Variants in ANKRD44 observed in about 807,000 individuals in gnomAD.
The protein encoded by ANKRD44 is ankyrin repeat domain 44, also known as serine/threonine-protein phosphatase 6 regulatory ankyrin repeat subunit B.
A neutral mutation model predicts 116.0 loss-of-function variants in ANKRD44; 35 were observed. That is an observed-to-expected ratio of 0.30 (90% CI 0.23 to 0.40). The LOEUF (loss-of-function observed/expected upper bound fraction) is 0.40. ANKRD44 is among the 10% of genes least tolerant of loss of function. The pLI, the probability that ANKRD44 is intolerant of heterozygous loss-of-function variation, is 1.00. For synonymous variants in ANKRD44, 435 were observed against 461.8 expected (o/e 0.94, Z 0.74); for missense variants, 1,014 against 1,242.6 (o/e 0.82, Z 2.77).
intron 16 of ANKRD44, among the ~76,000 whole-genome samples, chr2:197,067,034 T>C (rs2077449045): frequency 6.6e-6 from 1 of 152,072 alleles, no homozygotes; most frequent in African/African-American, 2.4e-5. Context: ...CTTCAAACTA[T>C]ACTACAAGGC....
rs2078838361 is a variant in ANKRD44, at chr2:197,120,935, TTTTTTTG to T, written c.906+390_906+396del. On this transcript the variant is annotated intron_variant, in intron 8 of 27. Transcript: ENST00000282272. ...CTGAAGAAAAATAACACAACTTTTT[TTTTTTTG>T]TTTTTGAGACGGAGTCTTGCTCTGT... Among the ~76,000 whole-genome samples, 8 of 147,936 alleles carry T rather than the reference TTTTTTTG, an allele frequency of 5.4e-5. No homozygotes were observed. In the South Asian group the frequency reaches 1.7e-3, roughly 32 times the overall value.
chr2:197,212,052 TCACACA>T lies in ANKRD44; in HGVS notation c.28-24952_28-24947del, dbSNP rs375445587. ...CTCTCTCTCTCAGTCTCTCTCTCTC[TCACACA>T]CACACACACACACACACCCCACAGC... On this transcript the variant is annotated intron_variant, in intron 1 of 27. Coordinates refer to ENST00000282272, the MANE Select transcript of ANKRD44 (RefSeq NM_001195144.2). The surrounding 1 kb of genome is among the most constrained non-coding windows in gnomAD (Gnocchi z 4.8). Among the ~76,000 whole-genome samples the T allele has an allele frequency of 6.8e-6, 1 of 147,900 alleles. No individual in the cohort carries two copies. The highest frequency in any genetic ancestry group is 2.5e-5 in the African/African-American group (1 of 40,194).
chr2:197,276,157 C>T (rs1284444438), intron 1 of ANKRD44, among the ~76,000 whole-genome samples: 1 of 151,790 alleles, frequency 6.6e-6, no homozygotes, highest in African/African-American at 2.4e-5. Flanking sequence ...CACCTGTAAT[C>T]CCAGCTACTT....
At chr2:197,173,149 TACAGCCCCA>T (rs1439038735) in intron 2 of ANKRD44, among the ~76,000 whole-genome samples, 1 of 152,190 alleles carries the variant, frequency 6.6e-6, no homozygotes, top group Admixed American at 6.5e-5. Context: ...ATATTCATAG[TACAGCCCCA>T]ACAATTTCTA....
intron 26 of ANKRD44, among the ~76,000 whole-genome samples, chr2:196,994,116 T>A (rs1400865582): frequency 6.6e-6 from 1 of 152,242 alleles, no homozygotes; most frequent in Non-Finnish European, 1.5e-5. Flanking sequence ...ACAGATGTTT[T>A]ACTGAATTTA....
At chr2:197,035,702 A>G (rs2076794438) in intron 16 of ANKRD44, among the ~76,000 whole-genome samples, 1 of 151,880 alleles carries the variant, frequency 6.6e-6, no homozygotes, top group Non-Finnish European at 1.5e-5. Context: ...ATGCTGAAGA[A>G]TGAAAAGCTA....
At chr2:197,295,238 T>A (rs2083683080) in intron 1 of ANKRD44, among the ~76,000 whole-genome samples, 2 of 152,176 alleles carry the variant, frequency 1.3e-5, no homozygotes, top group African/African-American at 4.8e-5. Flanking sequence ...ACTCGATTTC[T>A]GAAGAGGATG....
intron 9 of ANKRD44, among the ~76,000 whole-genome samples, chr2:197,105,565 A>G (rs1404598255): frequency 6.6e-6 from 1 of 152,262 alleles, no homozygotes. Flanking sequence ...CTGAGGAGAC[A>G]CATTGGTGGA....
intron 2 of ANKRD44, among the ~76,000 whole-genome samples, chr2:197,149,905 C>T (rs765604765): frequency 3.3e-5 from 5 of 152,114 alleles, no homozygotes; most frequent in South Asian, 2.1e-4. Context: ...AGAAGGAGGG[C>T]GAAGGTTCTG....
intron 2 of ANKRD44, among the ~76,000 whole-genome samples, chr2:197,174,050 TAAAC>T (rs753206568): frequency 5.9e-5 from 9 of 152,022 alleles, no homozygotes; most frequent in South Asian, 2.1e-4. Flanking sequence ...AATAAATAAA[TAAAC>T]AAACAAACAA....
chr2:197,274,159 C>A (rs1247205599), intron 1 of ANKRD44, among the ~76,000 whole-genome samples: 1 of 151,376 alleles, frequency 6.6e-6, no homozygotes, highest in East Asian at 1.9e-4. Flanking sequence ...ACTAAGGGGA[C>A]CTGGCACTTA....
At chr2:197,288,382 A>T (rs1446895502) in intron 1 of ANKRD44, among the ~76,000 whole-genome samples, 2 of 152,198 alleles carry the variant, frequency 1.3e-5, no homozygotes, top group Non-Finnish European at 2.9e-5. Context: ...TTGGGAATGT[A>T]TACAACCTCC....
intron 1 of ANKRD44, among the ~76,000 whole-genome samples, chr2:197,282,310 C>CT (rs75969688): frequency 4.2e-4 from 62 of 146,642 alleles, no homozygotes; most frequent in Middle Eastern, 3.4e-3. Flanking sequence ...ATTATGTTTT[C>CT]TTTTTTTTTT....
In ANKRD44 at chr2:197,121,315, G is replaced by C. The variant is rs754937986; in HGVS notation, c.906+17C>G. The stretch of plus-strand genomic sequence containing the variant: ...TCAATGCAAAGGCATTCAACACAGA[G>C]ACTAAGAGTGTCATACCTGAATGTT... On this transcript the variant is annotated intron_variant, in intron 8 of 27. Transcript: ENST00000282272. 3 of 1,609,012 alleles carry C rather than the reference G, an allele frequency of 1.9e-6. No homozygotes were observed. Among genetic ancestry groups the C allele is most frequent in the Non-Finnish European group, 2.6e-6 (3 of 1,175,398 alleles).
chr2:197,028,200 T>G (rs535237712), intron 16 of ANKRD44, among the ~76,000 whole-genome samples: 2 of 152,200 alleles, frequency 1.3e-5, no homozygotes, highest in African/African-American at 4.8e-5. Flanking sequence ...TTGTTCCCCT[T>G]TATCTTACTT....
intron 2 of ANKRD44, among the ~76,000 whole-genome samples, chr2:197,183,855 C>T (rs1416272078): frequency 6.6e-6 from 1 of 152,198 alleles, no homozygotes; most frequent in African/African-American, 2.4e-5. Flanking sequence ...TGTTGCCACA[C>T]ACCCAACAGC....
intron 3 of ANKRD44, among the ~76,000 whole-genome samples, chr2:197,138,574 C>T (rs2079277486): frequency 6.6e-6 from 1 of 152,242 alleles, no homozygotes; most frequent in African/African-American, 2.4e-5. Context: ...GGTTTAGCAA[C>T]ACAGCATTTA....
chr2:196,993,941 A>G (rs998630039), intron 26 of ANKRD44, among the ~76,000 whole-genome samples: 3 of 152,240 alleles, frequency 2.0e-5, no homozygotes, highest in Admixed American at 1.3e-4. Context: ...ATACGAAGAC[A>G]GAGGAAGAAC....
At chr2:197,306,895 C>T (rs1280583787) in intron 1 of ANKRD44, among the ~76,000 whole-genome samples, 1 of 152,202 alleles carries the variant, frequency 6.6e-6, no homozygotes, top group Non-Finnish European at 1.5e-5. Flanking sequence ...AACAGTTTGT[C>T]TGCAGGCAGC....
Sources: gnomAD v4.1 joint callset for allele counts (sites outside exome capture counted in the v4.1 genomes callset) on GRCh38, gnomAD v4.1.1 for gene constraint, Gnocchi (gnomAD v3.1) non-coding constraint, MANE v1.5 for transcripts, NCBI Gene and HGNC (gene_info 2026-07-23, HGNC 2026-07-21) for gene names.